Variants in LRRFIP2 observed in about 807,000 individuals in gnomAD.
LRRFIP2 encodes the protein LRR binding FLII interacting protein 2.
A neutral mutation model predicts 125.9 loss-of-function variants in LRRFIP2; 109 were observed. The ratio of observed to expected loss-of-function variants is 0.87; its 90% CI spans 0.74 to 1.01. The LOEUF is 1.01. Ranked by LOEUF, LRRFIP2 falls within the 50% of genes least tolerant of loss-of-function variation. LRRFIP2 has a pLI of 0.00. For missense variants in LRRFIP2, 850 were observed against 862.3 expected (o/e 0.99, Z 0.18); for synonymous variants, 291 against 293.1 (o/e 0.99, Z 0.07).
intron 15 of LRRFIP2, among the ~76,000 whole-genome samples, 185 bp from the exon 16 acceptor site, chr3:37,096,845 C>A (rs1184260230): frequency 6.6e-6 from 1 of 151,988 alleles, no homozygotes; most frequent in East Asian, 1.9e-4. Flanking sequence ...TAATTTTTAT[C>A]CTAAGGGAGA....
At chr3:37,167,195 TCC>T (rs755779600) in intron 1 of LRRFIP2, among the ~76,000 whole-genome samples, 15 of 111,062 alleles carry the variant, frequency 1.4e-4, no homozygotes, top group African/African-American at 3.7e-4. Flanking sequence ...AAATCTTGTC[TCC>T]AAAAAAAAAA....
intron 24 of LRRFIP2, among the ~76,000 whole-genome samples, chr3:37,061,681 CCAGT>C (rs1335407580): frequency 3.9e-5 from 6 of 152,162 alleles, no homozygotes; most frequent in Non-Finnish European, 7.4e-5. Context: ...GCTGCTGTGC[CCAGT>C]CAAACATCTT....
At position 37,055,081 on chromosome 3, in the gene LRRFIP2, CT is replaced by C; in HGVS notation, c.1950+4del. 1 of 1,574,892 alleles carries C rather than the reference CT, an allele frequency of 6.3e-7. No homozygotes were observed. The highest frequency in any genetic ancestry group is 8.7e-7 in the Non-Finnish European group (1 of 1,155,922). On this transcript the variant is annotated splice_donor_region_variant and intron_variant, in intron 26 of 27. Coordinates refer to ENST00000336686, the MANE Select transcript of LRRFIP2 (RefSeq NM_006309.4). Reference sequence around the variant, plus strand: ...AATAACTTAGTACCATATAGAAGTACTTACACTTTGCTCCAAGGTAGTTATA... The same window carrying C: ...AATAACTTAGTACCATATAGAAGTACTACACTTTGCTCCAAGGTAGTTATA...
Position 37,088,687 on chromosome 3 carries a change from C to T in LRRFIP2, c.1107+2780G>A, listed in dbSNP as rs2093243279. ...ATCAGCCAGGCATGGTGGTGCACCC[C>T]TATAGTCCCAGCAGGCTTAGGATCG... On this transcript the variant is annotated intron_variant, in intron 18 of 27. Transcript: ENST00000336686. Among the ~76,000 whole-genome samples the T allele has an allele frequency of 2.0e-5, 3 of 151,958 alleles. No homozygotes were observed. In the South Asian group the frequency reaches 6.2e-4, roughly 32 times the overall value.
rs373577298 is a variant in LRRFIP2 at position 37,135,776 on chromosome 3, A to G, written c.91-6627T>C. Reference sequence around the variant, plus strand: ...TCCACTAGGATTGCTATGATAAAAAATGTTTTTCAACTGAAAATAACTAAA... The same window carrying G: ...TCCACTAGGATTGCTATGATAAAAAGTGTTTTTCAACTGAAAATAACTAAA... On this transcript the variant is annotated intron_variant, in intron 2 of 27. Coordinates refer to ENST00000336686, the MANE Select transcript of LRRFIP2 (RefSeq NM_006309.4). 5.3e-5 allele frequency among the ~76,000 whole-genome samples: 8 copies of G among 152,350 alleles called. No individual in the cohort carries two copies. The East Asian group carries it at 1.5e-3, about 29-fold the overall frequency.
At position 37,065,908 on chromosome 3, in the gene LRRFIP2, G is replaced by C; in HGVS notation, c.1601C>G (p.Pro534Arg). 1 of 1,614,150 alleles carries C rather than the reference G, an allele frequency of 6.2e-7. No individual in the cohort carries two copies. The change falls in exon 23 of 28, where the codon CCC (proline) becomes CGC (arginine). Residue 534 changes from proline to arginine, a missense_variant. Transcript: ENST00000336686. ...TGGTTCATGACTGACATCACCATTG[G>C]GAGTGCCATCGGGGATTATAACTAA... is the stretch of plus-strand genomic sequence containing the variant. ...HGLVIIPDGT[P>R]NGDVSHEPVA... is the part of the protein sequence containing the mutation.
At position 37,094,813 on chromosome 3, in the gene LRRFIP2, G is replaced by A; in HGVS notation, c.1014C>T (p.Asp338=). ...SGDTSSLIDP[D]TSLSELRDIY... is the part of the protein sequence containing the mutation. Reference sequence around the variant, plus strand: ...TTACCCGCAATTCACTTAATGAAGTGTCTGGATCTATTAAGCTGCTGGTGT... The same window carrying A: ...TTACCCGCAATTCACTTAATGAAGTATCTGGATCTATTAAGCTGCTGGTGT... The change falls in exon 17 of 28, where the codon GAC becomes GAT. Residue 338 remains aspartate, a synonymous_variant. Coordinates refer to ENST00000336686, the MANE Select transcript of LRRFIP2 (RefSeq NM_006309.4). 1.9e-6 allele frequency: 3 copies of A among 1,613,234 alleles called. No homozygotes were observed. Among genetic ancestry groups the A allele is most frequent in the African/African-American group, 1.3e-5 (1 of 75,022 alleles).
chr3:37,136,115 C>T (rs919001832), intron 2 of LRRFIP2, among the ~76,000 whole-genome samples: 3 of 152,176 alleles, frequency 2.0e-5, no homozygotes, highest in South Asian at 2.1e-4. Flanking sequence ...AAAAAGAAAT[C>T]GAACACTGAT....
chr3:37,106,623 C>T (rs2094337622), intron 13 of LRRFIP2, among the ~76,000 whole-genome samples: 1 of 152,088 alleles, frequency 6.6e-6, no homozygotes, highest in African/African-American at 2.4e-5. Context: ...GCAGGGGCCA[C>T]ATAGAAAGCT....
intron 21 of LRRFIP2, chr3:37,067,841 C>T (rs1332843148): frequency 6.6e-6 from 1 of 152,120 alleles, no homozygotes; most frequent in African/African-American, 2.4e-5. Flanking sequence ...GTGGCAAAAC[C>T]AGAAAATGAA....
At chr3:37,126,868 A>AAAACG (rs59982718) in intron 4 of LRRFIP2, among the ~76,000 whole-genome samples, 3 of 147,220 alleles carry the variant, frequency 2.0e-5, no homozygotes, top group Admixed American at 1.4e-4. Context: ...TCAAAAAAAA[A>AAAACG]AAAGAAAGAA....
intron 23 of LRRFIP2, chr3:37,064,352 G>A (rs1224702024): frequency 6.5e-6 from 1 of 153,308 alleles, no homozygotes; most frequent in Non-Finnish European, 1.4e-5. Context: ...AGCACTTTGG[G>A]AGGCCTAGGT....
chr3:37,123,871 A>G (rs1320044867), intron 4 of LRRFIP2, among the ~76,000 whole-genome samples: 2 of 152,210 alleles, frequency 1.3e-5, no homozygotes, highest in East Asian at 3.8e-4. Context: ...TCATACTTTC[A>G]ATTATGCCCC....
intron 24 of LRRFIP2, among the ~76,000 whole-genome samples, chr3:37,059,220 G>A (rs111328585): frequency 2.0e-5 from 3 of 152,082 alleles, no homozygotes; most frequent in African/African-American, 7.2e-5. Context: ...TATTTAAAAT[G>A]GAAAATTCTA....
Position 37,109,709 on chromosome 3 carries a change from A to C in LRRFIP2, c.514-6T>G. The C allele has an allele frequency of 6.2e-7, 1 of 1,613,696 alleles. No individual in the cohort carries two copies. Among genetic ancestry groups the C allele is most frequent in the East Asian group, 2.2e-5 (1 of 44,856 alleles). Reference sequence around the variant, plus strand: ...CTGTACAGGGAAGAAGACTGCTAAGAGACAAAAACAAAATAAATAAGCAAA... The same window carrying C: ...CTGTACAGGGAAGAAGACTGCTAAGCGACAAAAACAAAATAAATAAGCAAA... On this transcript the variant is annotated splice_region_variant and splice_polypyrimidine_tract_variant and intron_variant, in intron 9 of 27. Transcript: ENST00000336686.
chr3:37,102,949 T>C lies in LRRFIP2; in HGVS notation c.848A>G (p.Asp283Gly). Residue 283 changes from aspartate to glycine, a missense_variant, in exon 15 of 28, where the codon GAT becomes GGT. Transcript: ENST00000336686. ...RRGSVVSEVD[D>G]ISIPDLSSLD... ...GCTGGACAAATCTGGGATACTGATATCATCCACCTCAGAGACAACACTTCC... is the reference window on the plus strand; with the variant it reads ...GCTGGACAAATCTGGGATACTGATACCATCCACCTCAGAGACAACACTTCC... 3.8e-6 allele frequency: 6 copies of C among 1,564,106 alleles called. No homozygotes were observed. The South Asian group carries it at 5.9e-5, about 15-fold the overall frequency.
intron 19 of LRRFIP2, among the ~76,000 whole-genome samples, chr3:37,079,830 A>G (rs1261514459): frequency 1.3e-5 from 2 of 152,166 alleles, no homozygotes; most frequent in Admixed American, 6.5e-5. Context: ...GTCACAAAAG[A>G]CCATGTATTA....
Position 37,060,311 on chromosome 3 carries a change from TTTTG to T in LRRFIP2, c.1750-1405_1750-1402del, listed in dbSNP as rs111780909. Among the ~76,000 whole-genome samples, 155 of 152,194 alleles carry T rather than the reference TTTTG, an allele frequency of 1.0e-3. No homozygotes were observed. Among genetic ancestry groups the T allele is most frequent in the African/African-American group, 3.0e-3 (125 of 41,548 alleles). On this transcript the variant is annotated intron_variant, in intron 24 of 27. Transcript: ENST00000336686. This position sits in a 1 kb window ranked among gnomAD's most constrained non-coding sequence, Gnocchi z 4.1. ...ACTGTTTTTGTTTTGTTTTGTTTTG[TTTTG>T]TTTGTTTGTTTGAGACAGGGTCTCG... is the stretch of plus-strand genomic sequence containing the variant.
intron 7 of LRRFIP2, 95 bp downstream of exon 7, chr3:37,114,959 C>A: frequency 2.0e-6 from 2 of 1,004,356 alleles, no homozygotes; most frequent in South Asian, 2.9e-5. Context: ...AAGTTCATAA[C>A]AAAGCCATGA....
Sources: gnomAD v4.1 joint callset for allele counts (sites outside exome capture counted in the v4.1 genomes callset) on GRCh38, gnomAD v4.1.1 for gene constraint, Gnocchi (gnomAD v3.1) non-coding constraint, MANE v1.5 for transcripts, NCBI Gene and HGNC (gene_info 2026-07-23, HGNC 2026-07-21) for gene names.